Variants in MYO9A observed in about 807,000 individuals in gnomAD.
MYO9A encodes myosin IXA.
In MYO9A, 103 loss-of-function variants were observed where a neutral mutation model predicts 293.3. The observed-to-expected ratio is 0.35, with a 90% CI of 0.30 to 0.41. The LOEUF is 0.41. Among genes scored for constraint, MYO9A ranks in the 10% least tolerant of loss-of-function variants. The pLI, the probability that MYO9A is intolerant of heterozygous loss-of-function variation, is 1.00. For missense variants in MYO9A, 2,685 were observed against 3,033.0 expected, an observed-to-expected ratio of 0.89 and a Z score of 2.69; for synonymous variants, 1,001 against 1,035.7, an observed-to-expected ratio of 0.97 and a Z score of 0.64.
intron 1 of MYO9A, among the ~76,000 whole-genome samples, chr15:72,061,020 T>C (rs556747914): frequency 8.5e-5 from 13 of 152,302 alleles, no homozygotes; most frequent in Non-Finnish European, 1.8e-4. Flanking sequence ...AGCACAGTCC[T>C]GATGCCCCCA....
In MYO9A at chr15:71,851,300, G is replaced by C; in HGVS notation, c.6534C>G (p.Ser2178=). 6.2e-7 allele frequency: 1 copy of C among 1,613,960 alleles called. No homozygotes were observed. The highest frequency in any genetic ancestry group is 8.5e-7 in the Non-Finnish European group (1 of 1,179,924). Reference sequence around the variant, plus strand: ...GTTCCAGTGTATTGAGATGAGTTCGGGAGAGTTGATCAATCACAGAGTATA... The same window carrying C: ...GTTCCAGTGTATTGAGATGAGTTCGCGAGAGTTGATCAATCACAGAGTATA... ...RGVYSVIDQL[S]RTHLNTLERL... Residue 2178 remains serine (S), a synonymous_variant, in exon 37 of 42, where the codon TCC becomes TCG. Coordinates refer to ENST00000356056, the MANE Select transcript of MYO9A (RefSeq NM_006901.4).
chr15:72,044,760 G>A (rs1269625237), intron 2 of MYO9A, among the ~76,000 whole-genome samples: 1 of 152,154 alleles, frequency 6.6e-6, no homozygotes, highest in Non-Finnish European at 1.5e-5. Flanking sequence ...TGTTAAGCTT[G>A]CAGAAATACA....
At chr15:72,019,141 C>T (rs2077426238) in intron 5 of MYO9A, 46 bp from the exon 6 acceptor site, 1 of 1,481,576 alleles carries the variant, frequency 6.7e-7, no homozygotes, top group Non-Finnish European at 9.4e-7. Flanking sequence ...GGTTATTATA[C>T]TCTTCTAATG....
intron 39 of MYO9A, among the ~76,000 whole-genome samples, chr15:71,834,484 G>C (rs1358949101): frequency 6.6e-6 from 1 of 152,060 alleles, no homozygotes; most frequent in African/African-American, 2.4e-5. Context: ...TAAAAAGAAG[G>C]ATTATTGCCA....
intron 26 of MYO9A, chr15:71,893,033 G>T: frequency 7.8e-7 from 1 of 1,289,806 alleles, no homozygotes; most frequent in East Asian, 5.6e-5. Flanking sequence ...TGAGAAGCTT[G>T]GTCAAGGGAG....
At chr15:71,954,947 GCTTTT>G (rs1316271556) in intron 14 of MYO9A, among the ~76,000 whole-genome samples, 7 of 152,020 alleles carry the variant, frequency 4.6e-5, no homozygotes, top group East Asian at 1.9e-4. Context: ...ATAAAATAAC[GCTTTT>G]CTTAAGTACT....
intron 2 of MYO9A, among the ~76,000 whole-genome samples, chr15:72,041,917 A>ACTCTATAT (rs1271976047): frequency 4.0e-5 from 6 of 151,672 alleles, no homozygotes; most frequent in Admixed American, 3.3e-4. Context: ...CACATGAATA[A>ACTCTATAT]CTCTATATCT....
At position 71,935,376 on chromosome 15, in the gene MYO9A, G is replaced by T. The variant is rs1019065397; in HGVS notation, c.2487C>A (p.Ser829Arg). 2 of 1,613,656 alleles carry T rather than the reference G, an allele frequency of 1.2e-6. No homozygotes were observed. Among genetic ancestry groups the T allele is most frequent in the Admixed American group, 3.3e-5 (2 of 60,002 alleles). ...DKDGIFANSTSSKLLERAHGI... is the reference protein window; with the variant it reads ...DKDGIFANSTRSKLLERAHGI... ...CATGGGCTCTCTCCAGGAGTTTGCT[G>T]CTAGTTGAATTAGCAAATATTCCAT... Residue 829 changes from serine to arginine, a missense_variant, in exon 17 of 42, where the codon AGC (serine) becomes AGA (arginine). This residue lies in a region of MYO9A where 1,434 missense variants were observed against 1,497.7 expected (regional missense o/e 0.96). Coordinates refer to ENST00000356056, the MANE Select transcript of MYO9A (RefSeq NM_006901.4).
At chr15:71,852,583 G>A (rs1193799717) in intron 35 of MYO9A, among the ~76,000 whole-genome samples, 4 of 152,032 alleles carry the variant, frequency 2.6e-5, no homozygotes, top group East Asian at 1.9e-4. Flanking sequence ...GGCTGGTCTC[G>A]AACTCCCAAC....
chr15:71,951,874 A>C lies in MYO9A; in HGVS notation c.2205T>G (p.Cys735Trp). 1.2e-6 allele frequency: 2 copies of C among 1,611,702 alleles called. No homozygotes were observed. The highest frequency in any genetic ancestry group is 1.7e-6 in the Non-Finnish European group (2 of 1,179,332). Residue 735 changes from cysteine (C) to tryptophan (W), a missense_variant, in exon 15 of 42, where the codon TGT becomes TGG. Physicochemically the swap from Cys to Trp is radical, Grantham distance 215. Coordinates refer to ENST00000356056, the MANE Select transcript of MYO9A (RefSeq NM_006901.4). Reference sequence around the variant, plus strand: ...AACTATCCATACTTTTCAAAATTGCACATGGCGCTGTATCATCATGTCCTT... The same window carrying C: ...AACTATCCATACTTTTCAAAATTGCCCATGGCGCTGTATCATCATGTCCTT... ...RKTGHDDTAP[C>W]AILKSMDSFS...
intron 16 of MYO9A, 64 bp downstream of exon 16, chr15:71,938,788 T>C: frequency 7.2e-7 from 1 of 1,389,954 alleles, no homozygotes; most frequent in South Asian, 1.3e-5. Flanking sequence ...GTCACAAAAA[T>C]ATCAATAAGA....
chr15:71,944,166 A>T (rs2058851851), intron 15 of MYO9A, among the ~76,000 whole-genome samples: 1 of 152,102 alleles, frequency 6.6e-6, no homozygotes, highest in East Asian at 1.9e-4. Flanking sequence ...GTGTATGTTC[A>T]AATCTTTTGC....
chr15:71,851,335 T>C lies in MYO9A; in HGVS notation c.6499A>G (p.Ile2167Val), dbSNP rs375629470. Residue 2167 changes from isoleucine to valine, a missense_variant, in exon 37 of 42, where the codon ATC becomes GTC. Around this residue, in one of 10 missense-constraint regions of MYO9A, gnomAD observed 238 missense variants for 269.1 expected, o/e 0.88. Coordinates refer to ENST00000356056, the MANE Select transcript of MYO9A (RefSeq NM_006901.4). ...AMGLQERKET[I>V]RGVYSVIDQL... ...TCAATCACAGAGTATACACCACGGA[T>C]TGTCTCCTTCCTCTCCTGAAGGCCT... The C allele has an allele frequency of 1.9e-6, 3 of 1,613,790 alleles. No individual in the cohort carries two copies. The highest frequency in any genetic ancestry group is 8.5e-7 in the Non-Finnish European group (1 of 1,179,826).
At chr15:71,854,924 A>G (rs1596035760) in intron 34 of MYO9A, among the ~76,000 whole-genome samples, 1 of 152,166 alleles carries the variant, frequency 6.6e-6, no homozygotes. Context: ...ACCACTAGAA[A>G]ATCTACTAAT....
chr15:71,953,208 C>T (rs960132691), intron 14 of MYO9A, among the ~76,000 whole-genome samples: 2 of 152,168 alleles, frequency 1.3e-5, no homozygotes, highest in Non-Finnish European at 2.9e-5. Flanking sequence ...AAAGATACCT[C>T]GATAAACATA....
intron 15 of MYO9A, among the ~76,000 whole-genome samples, chr15:71,949,148 T>A (rs2058993477): frequency 6.6e-6 from 1 of 152,162 alleles, no homozygotes; most frequent in Non-Finnish European, 1.5e-5. Context: ...TAGGTGTAGT[T>A]TTCCTTCGTA....
At chr15:71,878,453 G>A (rs144200577) in intron 30 of MYO9A, among the ~76,000 whole-genome samples, 13 of 152,108 alleles carry the variant, frequency 8.5e-5, no homozygotes, top group East Asian at 5.8e-4. Flanking sequence ...AAAACCTGAC[G>A]GTAATAATTT....
At chr15:71,862,417 T>C in intron 33 of MYO9A, 83 bp downstream of exon 33, 1 of 1,070,710 alleles carries the variant, frequency 9.3e-7, no homozygotes, top group Non-Finnish European at 1.4e-6. Context: ...ATAACTCCTT[T>C]ATGTTAAAGG....
At chr15:72,110,566 A>G (rs897401626) in intron 1 of MYO9A, among the ~76,000 whole-genome samples, 2 of 152,196 alleles carry the variant, frequency 1.3e-5, no homozygotes, top group Non-Finnish European at 2.9e-5. Flanking sequence ...AAATCTGTCA[A>G]TTATTTAAGG....
Sources: allele counts gnomAD v4.1 joint callset (sites outside exome capture counted in the v4.1 genomes callset), GRCh38; gene constraint gnomAD v4.1.1; regional missense constraint gnomAD v4.1.1; transcripts MANE v1.5; gene names NCBI Gene and HGNC (gene_info 2026-07-23, HGNC 2026-07-21).